CLIC4: variants seen among roughly 807,000 people sequenced by gnomAD.
The protein encoded by CLIC4 is chloride intracellular channel protein 4.
CLIC4 carries 13 observed loss-of-function variants against 24.6 expected under a neutral mutation model. The ratio of observed to expected loss-of-function variants is 0.53; its 90% confidence interval spans 0.34 to 0.84. The LOEUF (loss-of-function observed/expected upper bound fraction) is 0.84. Among genes scored for constraint, CLIC4 ranks in the 40% least tolerant of loss-of-function variants. The pLI is 0.01. For synonymous variants in CLIC4, 104 were observed against 111.3 expected, an observed-to-expected ratio of 0.93 and a Z score of 0.41; for missense variants, 227 against 301.7, an observed-to-expected ratio of 0.75 and a Z score of 1.83.
At chr1:24,826,351 T>G (rs968550850) in intron 3 of CLIC4, among the ~76,000 whole-genome samples, 26 of 152,176 alleles carry the variant, frequency 1.7e-4, no homozygotes, top group African/African-American at 5.8e-4. Context: ...TCCTTTTGTT[T>G]TTGTCCTTAA....
intron 1 of CLIC4, among the ~76,000 whole-genome samples, chr1:24,790,321 C>T (rs1210932146): frequency 6.6e-6 from 1 of 152,232 alleles, no homozygotes; most frequent in African/African-American, 2.4e-5. Flanking sequence ...ATCTGCCTGC[C>T]TTGGCCTCCC....
At chr1:24,760,489 A>C (rs1638914065) in intron 1 of CLIC4, among the ~76,000 whole-genome samples, 1 of 152,128 alleles carries the variant, frequency 6.6e-6, no homozygotes, top group Non-Finnish European at 1.5e-5. Context: ...CTTAACCCCC[A>C]CCGCAGCTGC....
At chr1:24,818,243 A>G (rs146934650) in intron 3 of CLIC4, among the ~76,000 whole-genome samples, 73 of 152,262 alleles carry the variant, frequency 4.8e-4, no homozygotes, top group African/African-American at 1.6e-3. Context: ...GCAAAGCACA[A>G]TAAGACAAGT....
At chr1:24,822,747 T>C (rs557281389) in intron 3 of CLIC4, among the ~76,000 whole-genome samples, 2 of 152,342 alleles carry the variant, frequency 1.3e-5, no homozygotes, top group African/African-American at 2.4e-5. Flanking sequence ...GAATGTCGCC[T>C]TCTTAGTGGG....
intron 1 of CLIC4, among the ~76,000 whole-genome samples, chr1:24,786,178 C>T (rs1465803597): frequency 1.3e-5 from 2 of 152,162 alleles, no homozygotes; most frequent in Non-Finnish European, 2.9e-5. Context: ...TAGTCATCAC[C>T]ACCCCTTACC....
At chr1:24,781,237 C>A (rs1310467105) in intron 1 of CLIC4, among the ~76,000 whole-genome samples, 2 of 148,596 alleles carry the variant, frequency 1.3e-5, no homozygotes, top group African/African-American at 5.0e-5. Flanking sequence ...CTGGTTCAAG[C>A]GATTATCCTG....
At chr1:24,783,604 G>T (rs1639231694) in intron 1 of CLIC4, among the ~76,000 whole-genome samples, 1 of 152,184 alleles carries the variant, frequency 6.6e-6, no homozygotes, top group Non-Finnish European at 1.5e-5. Context: ...TTGGGAGGCT[G>T]AGGCAGGAGA....
chr1:24,762,868 A>G (rs2124091746), intron 1 of CLIC4, among the ~76,000 whole-genome samples: 1 of 152,290 alleles, frequency 6.6e-6, no homozygotes, highest in Non-Finnish European at 1.5e-5. Context: ...AGGGGGATAC[A>G]TATGAAGGGA....
In CLIC4 at chr1:24,808,737, C is replaced by T. The variant is rs190913592; in HGVS notation, c.183-5357C>T. On this transcript the variant is annotated intron_variant, in intron 2 of 5. Coordinates refer to ENST00000374379, the MANE Select transcript of CLIC4 (RefSeq NM_013943.3). ...TGTCACCCAGGCTGGAGTGCAGTGGCGCGATCTCGGCTCACTGCAACCTCC... is the reference window on the plus strand; with the variant it reads ...TGTCACCCAGGCTGGAGTGCAGTGGTGCGATCTCGGCTCACTGCAACCTCC... 9.9e-4 allele frequency among the ~76,000 whole-genome samples: 147 copies of T among 148,616 alleles called. 1 individual carries two copies. Among genetic ancestry groups the T allele is most frequent in the African/African-American group, 3.4e-3 (138 of 40,420 alleles).
intron 1 of CLIC4, among the ~76,000 whole-genome samples, chr1:24,759,729 G>A (rs1482949668): frequency 2.6e-5 from 4 of 152,096 alleles, no homozygotes; most frequent in African/African-American, 9.7e-5. Context: ...TGGGTGGATC[G>A]CTTGAGTCCA....
chr1:24,785,677 C>A (rs1639257596), intron 1 of CLIC4, among the ~76,000 whole-genome samples: 1 of 151,806 alleles, frequency 6.6e-6, no homozygotes, highest in South Asian at 2.1e-4. Flanking sequence ...TATGGTGAAA[C>A]CCCGTCTCTA....
intron 2 of CLIC4, among the ~76,000 whole-genome samples, chr1:24,810,631 G>A (rs1195598536): frequency 2.6e-5 from 4 of 152,038 alleles, no homozygotes; most frequent in Non-Finnish European, 5.9e-5. Context: ...AAATTAGCTG[G>A]GCTTGATGGA....
intron 1 of CLIC4, among the ~76,000 whole-genome samples, chr1:24,750,363 G>A (rs1202718144): frequency 2.0e-5 from 3 of 152,022 alleles, no homozygotes; most frequent in East Asian, 1.9e-4. Context: ...CAACAGATAC[G>A]GTATATTTGA....
intron 3 of CLIC4, among the ~76,000 whole-genome samples, chr1:24,822,136 T>C (rs1330347008): frequency 6.6e-6 from 1 of 152,198 alleles, no homozygotes; most frequent in Non-Finnish European, 1.5e-5. Flanking sequence ...TCATCTGTTC[T>C]CTGCTTTCTG....
intron 3 of CLIC4, among the ~76,000 whole-genome samples, chr1:24,821,689 G>A (rs188426332): frequency 2.0e-5 from 3 of 152,030 alleles, no homozygotes; most frequent in Admixed American, 2.0e-4. Flanking sequence ...GTAGCTGGGA[G>A]TACAGGTGCA....
intron 1 of CLIC4, among the ~76,000 whole-genome samples, chr1:24,748,315 A>G (rs1005198555): frequency 1.3e-5 from 2 of 151,790 alleles, no homozygotes; most frequent in South Asian, 2.1e-4. Context: ...AGCCTTTCTC[A>G]TTGGGCTTGG....
intron 4 of CLIC4, among the ~76,000 whole-genome samples, chr1:24,830,346 A>G (rs935117878): frequency 6.6e-6 from 1 of 152,184 alleles, no homozygotes; most frequent in Non-Finnish European, 1.5e-5. Context: ...AAATGCTTCT[A>G]TATCAAAATA....
chr1:24,784,921 G>A (rs576435282), intron 1 of CLIC4, among the ~76,000 whole-genome samples: 2 of 150,942 alleles, frequency 1.3e-5, no homozygotes, highest in African/African-American at 2.4e-5. Context: ...GGAGAATGGC[G>A]TGAACCCGGG....
At chr1:24,747,020 C>T (rs931139707) in intron 1 of CLIC4, among the ~76,000 whole-genome samples, 2 of 151,428 alleles carry the variant, frequency 1.3e-5, no homozygotes, top group African/African-American at 4.9e-5. Flanking sequence ...AAATAATCTG[C>T]ATTTACCTCT....
Sources: gnomAD v4.1 joint callset for allele counts (sites outside exome capture counted in the v4.1 genomes callset) on GRCh38, gnomAD v4.1.1 for gene constraint, MANE v1.5 for transcripts, NCBI Gene and HGNC (gene_info 2026-07-23, HGNC 2026-07-21) for gene names.